Variants in GALNT13 observed in about 807,000 individuals in gnomAD.
GALNT13 encodes the protein polypeptide N-acetylgalactosaminyltransferase 13.
In GALNT13, 28 loss-of-function variants were observed where a neutral mutation model predicts 64.2. The ratio of observed to expected loss-of-function variants is 0.44; its 90% CI spans 0.32 to 0.60. GALNT13 has a LOEUF of 0.60. Among genes scored for constraint, GALNT13 ranks in the 20% least tolerant of loss-of-function variants. The pLI is 0.05. For synonymous variants in GALNT13, 214 were observed against 224.6 expected, an observed-to-expected ratio of 0.95 and a Z score of 0.42; for missense variants, 577 against 669.8, an observed-to-expected ratio of 0.86 and a Z score of 1.53.
At chr2:153,282,162 G>A in the GALNT13 span, among the ~76,000 whole-genome samples, 1 of 151,652 alleles carries the variant, frequency 6.6e-6, no homozygotes, top group Non-Finnish European at 1.5e-5. Flanking sequence ...CTTCTGCATG[G>A]TTCAGTCTAT....
chr2:153,445,198 A>G, the GALNT13 span, among the ~76,000 whole-genome samples: 1 of 152,154 alleles, frequency 6.6e-6, no homozygotes, highest in African/African-American at 2.4e-5. Flanking sequence ...CTGTTAAAAA[A>G]TTTGTCCATT....
the GALNT13 span, among the ~76,000 whole-genome samples, chr2:153,538,486 AC>A: frequency 8.5e-6 from 1 of 117,752 alleles, no homozygotes; most frequent in African/African-American, 3.4e-5. Flanking sequence ...GGTGCGCTGC[AC>A]CCACTAACTC....
At chr2:154,135,181 T>G (rs561591386) in intron 3 of GALNT13, among the ~76,000 whole-genome samples, 7 of 152,182 alleles carry the variant, frequency 4.6e-5, no homozygotes, top group South Asian at 4.2e-4. Flanking sequence ...CTTTCTTCCT[T>G]CCTGCCTGCC....
chr2:153,405,141 C>T, the GALNT13 span, among the ~76,000 whole-genome samples: 1 of 152,256 alleles, frequency 6.6e-6, no homozygotes, highest in African/African-American at 2.4e-5. Flanking sequence ...CAACCTTCCT[C>T]CCCATAAGTT....
chr2:154,206,053 A>G (rs1357327698), intron 4 of GALNT13, among the ~76,000 whole-genome samples: 5 of 152,062 alleles, frequency 3.3e-5, no homozygotes, highest in African/African-American at 9.6e-5. Flanking sequence ...GTGGGAGTGC[A>G]GTGGTGCGAT....
At chr2:153,628,520 A>G in the GALNT13 span, among the ~76,000 whole-genome samples, 2 of 151,488 alleles carry the variant, frequency 1.3e-5, no homozygotes, top group Non-Finnish European at 3.0e-5. Context: ...AATACGTCCC[A>G]TCAATACCTA....
intron 10 of GALNT13, among the ~76,000 whole-genome samples, chr2:154,405,177 A>G (rs1045901050): frequency 1.3e-5 from 2 of 152,142 alleles, no homozygotes; most frequent in South Asian, 2.1e-4. Flanking sequence ...AACAACATAA[A>G]TTTAGAAAAA....
At chr2:153,900,601 T>C (rs533416917) in intron 1 of GALNT13, among the ~76,000 whole-genome samples, 3 of 152,334 alleles carry the variant, frequency 2.0e-5, no homozygotes, top group Non-Finnish European at 4.4e-5. Context: ...TATTTACTTA[T>C]GAACATCTCA....
intron 3 of GALNT13, among the ~76,000 whole-genome samples, chr2:154,050,918 C>A (rs1574412285): frequency 6.6e-6 from 1 of 152,248 alleles, no homozygotes; most frequent in South Asian, 2.1e-4. Context: ...GTTTCACGAA[C>A]CAAAGCTGAG....
the GALNT13 span, among the ~76,000 whole-genome samples, chr2:153,757,997 A>G: frequency 6.6e-6 from 1 of 151,974 alleles, no homozygotes; most frequent in Non-Finnish European, 1.5e-5. Flanking sequence ...ATATAATCCT[A>G]TTTCTCTATT....
the GALNT13 span, among the ~76,000 whole-genome samples, chr2:153,552,287 A>G: frequency 7.9e-4 from 120 of 152,308 alleles, 3 homozygotes; most frequent in South Asian, 0.024. Flanking sequence ...AGGGTAAAAT[A>G]GAAACAGAGC....
intron 3 of GALNT13, among the ~76,000 whole-genome samples, chr2:154,101,255 T>A (rs2105463947): frequency 1.3e-5 from 2 of 152,160 alleles, no homozygotes; most frequent in South Asian, 4.1e-4. Flanking sequence ...CTCCTCAATT[T>A]TTTTGGAATA....
At chr2:153,712,777 A>G in the GALNT13 span, among the ~76,000 whole-genome samples, 2 of 152,190 alleles carry the variant, frequency 1.3e-5, no homozygotes, top group Non-Finnish European at 2.9e-5. Context: ...TACTATCATT[A>G]TGAAAGCCAT....
chr2:154,124,506 CTTCTT>C (rs1682140622), intron 3 of GALNT13, among the ~76,000 whole-genome samples: 1 of 151,912 alleles, frequency 6.6e-6, no homozygotes, highest in East Asian at 1.9e-4. Flanking sequence ...TAAAAAATGA[CTTCTT>C]TTCATTAGAT....
chr2:153,659,310 C>CG, the GALNT13 span, among the ~76,000 whole-genome samples: 2 of 151,968 alleles, frequency 1.3e-5, no homozygotes, highest in Admixed American at 6.6e-5. Flanking sequence ...CATATCCCCC[C>CG]CATCCCTTGA....
chr2:153,952,804 C>G (rs1310057784), intron 3 of GALNT13, among the ~76,000 whole-genome samples: 1 of 152,140 alleles, frequency 6.6e-6, no homozygotes, highest in Non-Finnish European at 1.5e-5. Context: ...GTGCAGCCTT[C>G]AATCTGTGGT....
the GALNT13 span, among the ~76,000 whole-genome samples, chr2:153,410,864 A>G: frequency 6.6e-6 from 1 of 150,726 alleles, no homozygotes; most frequent in Non-Finnish European, 1.5e-5. Flanking sequence ...CAAATATATA[A>G]ATATATATTT....
chr2:154,011,800 A>G (rs897836382), intron 3 of GALNT13, among the ~76,000 whole-genome samples: 6 of 152,126 alleles, frequency 3.9e-5, no homozygotes, highest in African/African-American at 1.4e-4. Flanking sequence ...TGTTGAATTG[A>G]ATTATATGCA....
the GALNT13 span, among the ~76,000 whole-genome samples, chr2:153,226,748 G>A: frequency 6.6e-6 from 1 of 152,166 alleles, no homozygotes; most frequent in Non-Finnish European, 1.5e-5. Flanking sequence ...TCCTGATATG[G>A]CACTAAAACC....
Sources: gnomAD v4.1 joint callset for allele counts (sites outside exome capture counted in the v4.1 genomes callset) on GRCh38, gnomAD v4.1.1 for gene constraint, MANE v1.5 for transcripts, NCBI Gene and HGNC (gene_info 2026-07-23, HGNC 2026-07-21) for gene names.